LMLN: variants seen among roughly 807,000 people sequenced by gnomAD.
LMLN encodes leishmanolysin-like peptidase.
In LMLN, 70 loss-of-function variants were observed where a neutral mutation model predicts 92.3. That is an observed-to-expected ratio of 0.76 (90% CI 0.63 to 0.92). The LOEUF (loss-of-function observed/expected upper bound fraction) is 0.92, where lower values mean the gene tolerates loss of function less well. LMLN is among the 40% of genes least tolerant of loss of function. LMLN has a pLI of 0.00. For missense variants in LMLN, 691 were observed against 814.6 expected, an observed-to-expected ratio of 0.85 and a Z score of 1.85; for synonymous variants, 308 against 296.2, an observed-to-expected ratio of 1.04 and a Z score of -0.41.
Position 198,031,393 on chromosome 3 carries a change from G to A in LMLN, c.1657-4440G>A, listed in dbSNP as rs551179718. ...GAGTTGTGTCTTCTGCTTTCAGGAGGAAGGGGGATGTCAGAACAGTCTTGC... is the reference window on the plus strand; with the variant it reads ...GAGTTGTGTCTTCTGCTTTCAGGAGAAAGGGGGATGTCAGAACAGTCTTGC... On this transcript the variant is annotated intron_variant, in intron 14 of 15. Transcript: ENST00000330198. This position sits in a 1 kb window ranked among gnomAD's most constrained non-coding sequence, Gnocchi z 4.8. Among the ~76,000 whole-genome samples, 63 of 152,292 alleles carry A rather than the reference G, an allele frequency of 4.1e-4. No individual in the cohort carries two copies. The highest frequency in any genetic ancestry group is 1.5e-3 in the African/African-American group (61 of 41,556).
chr3:198,029,991 C>T (rs989083910), intron 14 of LMLN, among the ~76,000 whole-genome samples: 25 of 151,894 alleles, frequency 1.6e-4, no homozygotes, highest in East Asian at 1.4e-3. Flanking sequence ...TATAGGCGCC[C>T]GCCACCATGC....
intron 14 of LMLN, among the ~76,000 whole-genome samples, chr3:198,030,737 T>C (rs1345410779): frequency 6.6e-6 from 1 of 152,212 alleles, no homozygotes; most frequent in African/African-American, 2.4e-5. Context: ...ATATTCTTTT[T>C]TGGATTTTTT....
intron 11 of LMLN, among the ~76,000 whole-genome samples, chr3:198,013,612 C>T (rs1224249773): frequency 3.2e-5 from 4 of 126,742 alleles, no homozygotes; most frequent in Non-Finnish European, 6.3e-5. Context: ...CTTCTCTGTA[C>T]CCTTCAGAGC....
chr3:198,015,279 C>T (rs11922234), intron 11 of LMLN, among the ~76,000 whole-genome samples: 2 of 91,836 alleles, frequency 2.2e-5, no homozygotes, highest in Non-Finnish European at 4.5e-5. Context: ...TTCTCTCCAC[C>T]CTTCAGAGCC....
intron 11 of LMLN, among the ~76,000 whole-genome samples, chr3:198,008,059 C>G (rs747088860): frequency 1.1e-4 from 16 of 152,070 alleles, no homozygotes; most frequent in Non-Finnish European, 2.1e-4. Context: ...ATTAAATCAC[C>G]CTTGCATTCC....
intron 14 of LMLN, among the ~76,000 whole-genome samples, chr3:198,027,101 A>G (rs980181053): frequency 1.3e-5 from 2 of 152,154 alleles, no homozygotes; most frequent in African/African-American, 4.8e-5. Flanking sequence ...ACCTTTTCAC[A>G]TATGTACTTC....
chr3:198,014,624 C>G (rs1427732415), intron 11 of LMLN, among the ~76,000 whole-genome samples: 2 of 121,358 alleles, frequency 1.6e-5, no homozygotes, highest in Admixed American at 7.8e-5. Context: ...TTCAGAGCCC[C>G]CTAACTAGTC....
intron 1 of LMLN, among the ~76,000 whole-genome samples, chr3:197,972,442 C>T (rs1223296683): frequency 6.6e-6 from 1 of 152,086 alleles, no homozygotes; most frequent in Non-Finnish European, 1.5e-5. Flanking sequence ...TGGTTCTTTT[C>T]ATAGTGTCTC....
chr3:197,961,129 A>T (rs1005377920), intron 1 of LMLN, among the ~76,000 whole-genome samples: 2 of 152,218 alleles, frequency 1.3e-5, no homozygotes, highest in African/African-American at 4.8e-5. Flanking sequence ...ATTAAAAAGT[A>T]CATCGTGTCT....
At chr3:198,009,804 G>A (rs763480278) in intron 11 of LMLN, among the ~76,000 whole-genome samples, 1 of 152,110 alleles carries the variant, frequency 6.6e-6, no homozygotes, top group African/African-American at 2.4e-5. Flanking sequence ...TTTGACATCT[G>A]TAGGGTCTGT....
chr3:197,962,295 G>A (rs1165821496), intron 1 of LMLN, among the ~76,000 whole-genome samples: 1 of 151,962 alleles, frequency 6.6e-6, no homozygotes, highest in East Asian at 1.9e-4. Context: ...GATTCGTGTT[G>A]TATGTGATAG....
At chr3:198,027,820 C>A (rs1722975625) in intron 14 of LMLN, among the ~76,000 whole-genome samples, 11 of 152,164 alleles carry the variant, frequency 7.2e-5, no homozygotes, top group Admixed American at 7.2e-4. Flanking sequence ...CTGCAGCGAA[C>A]ACTGGCTTCC....
intron 11 of LMLN, among the ~76,000 whole-genome samples, chr3:198,000,708 G>A (rs572823076): frequency 2.0e-4 from 31 of 152,210 alleles, no homozygotes; most frequent in East Asian, 1.5e-3. Flanking sequence ...GATTACAGGC[G>A]TGAGCCACCG....
chr3:197,985,390 TACACACACACAC>T (rs142039210), intron 7 of LMLN, among the ~76,000 whole-genome samples: 24 of 142,478 alleles, frequency 1.7e-4, no homozygotes, highest in Middle Eastern at 3.6e-3. Context: ...TTTCATAATG[TACACACACACAC>T]ACACACACAC....
intron 6 of LMLN, 37 bp downstream of exon 6, chr3:197,980,541 A>C (rs1433953238): frequency 6.4e-7 from 1 of 1,574,296 alleles, no homozygotes; most frequent in Non-Finnish European, 8.7e-7. Flanking sequence ...CCAAGATCTA[A>C]TGTGGGAACT....
intron 15 of LMLN, among the ~76,000 whole-genome samples, chr3:198,036,960 G>A (rs1180999647): frequency 2.6e-5 from 4 of 152,210 alleles, no homozygotes; most frequent in African/African-American, 9.6e-5. Flanking sequence ...GCCACACTCA[G>A]TTTTCAAGTC....
intron 14 of LMLN, among the ~76,000 whole-genome samples, chr3:198,033,725 C>A (rs1363620464): frequency 6.6e-6 from 1 of 152,172 alleles, no homozygotes; most frequent in Non-Finnish European, 1.5e-5. Context: ...ATATCCTACT[C>A]CTCTTTCCTC....
At chr3:197,996,395 C>T (rs1722018727) in intron 10 of LMLN, 113 bp downstream of exon 10, 1 of 571,156 alleles carries the variant, frequency 1.8e-6, no homozygotes. Flanking sequence ...CCCTTTACCC[C>T]TTCAGCTCTC....
chr3:198,029,800 G>A (rs1160778888), intron 14 of LMLN, among the ~76,000 whole-genome samples: 9 of 152,042 alleles, frequency 5.9e-5, no homozygotes, highest in Non-Finnish European at 1.3e-4. Context: ...GGGGGTGGAG[G>A]AGTCAGGGGA....
Sources: gnomAD v4.1 joint callset for allele counts (sites outside exome capture counted in the v4.1 genomes callset) on GRCh38, gnomAD v4.1.1 for gene constraint, Gnocchi (gnomAD v3.1) non-coding constraint, MANE v1.5 for transcripts, NCBI Gene and HGNC (gene_info 2026-07-23, HGNC 2026-07-21) for gene names.